COL4A1: variants seen among roughly 807,000 people sequenced by gnomAD.
The protein encoded by COL4A1 is collagen alpha-1(IV) chain.
Under a neutral mutation model 216.6 loss-of-function variants are expected in COL4A1, and 40 were observed. The ratio of observed to expected loss-of-function variants is 0.18; its 90% confidence interval spans 0.14 to 0.24. The LOEUF is 0.24. COL4A1 is among the 10% of genes least tolerant of loss of function. The pLI is 1.00. For missense variants in COL4A1, 1,628 were observed against 2,196.8 expected (o/e 0.74, Z 5.18); for synonymous variants, 839 against 810.7 (o/e 1.03, Z -0.59).
chr13:110,256,071 T>G (rs67188524), intron 1 of COL4A1, among the ~76,000 whole-genome samples: 25,096 of 151,702 alleles, frequency 0.17, 2,198 homozygotes, highest in South Asian at 0.21. Context: ...TCACGCTGTA[T>G]ATCTCATGTT....
intron 2 of COL4A1, among the ~76,000 whole-genome samples, chr13:110,234,778 T>C (rs1881230388): frequency 6.6e-6 from 1 of 152,162 alleles, no homozygotes; most frequent in Non-Finnish European, 1.5e-5. Context: ...CTCTTCCCGT[T>C]TCCATCCCGG....
chr13:110,162,060 A>C (rs945105315), intron 48 of COL4A1, 170 bp downstream of exon 48: 19 of 725,118 alleles, frequency 2.6e-5, no homozygotes, highest in Non-Finnish European at 4.5e-5. Flanking sequence ...ATTTGTAATC[A>C]ATGGAGGGAA....
rs190510837 is a variant in COL4A1, at chr13:110,161,361, C to T, written c.4471G>A (p.Gly1491Ser). Residue 1491 changes from glycine to serine, a missense_variant, in exon 49 of 52, where the codon GGC becomes AGC. By Grantham distance (56) the Gly-to-Ser change is moderately conservative. Coordinates refer to ENST00000375820, the MANE Select transcript of COL4A1 (RefSeq NM_001845.6). Reference sequence around the variant, plus strand: ...GTGCTGAACTTGCGCAGGCAGCTGCCGGCCGTGCCTAGACAAGGAAGAAGA... The same window carrying T: ...GTGCTGAACTTGCGCAGGCAGCTGCTGGCCGTGCCTAGACAAGGAAGAAGA... ...RAHGQDLGTA[G>S]SCLRKFSTMP... is the part of the protein sequence containing the mutation. 5.6e-6 allele frequency: 9 copies of T among 1,612,110 alleles called. No homozygotes were observed. The Admixed American group carries it at 1.0e-4, about 18-fold the overall frequency.
At position 110,207,494 on chromosome 13, in the gene COL4A1, C is replaced by T. The variant is rs762644478; in HGVS notation, c.694-5G>A. ...CCCACTGACCCCTTGGTCACCCTGTCGACATAAAAATGTAAAATTAATTAG... is the reference window on the plus strand; with the variant it reads ...CCCACTGACCCCTTGGTCACCCTGTTGACATAAAAATGTAAAATTAATTAG... On this transcript the variant is annotated splice_polypyrimidine_tract_variant and splice_region_variant and intron_variant, in intron 12 of 51. Transcript: ENST00000375820. This position sits in a 1 kb window ranked among gnomAD's most constrained non-coding sequence, Gnocchi z 4.4. The T allele has an allele frequency of 1.1e-5, 18 of 1,612,908 alleles. No individual in the cohort carries two copies. The highest frequency in any genetic ancestry group is 1.4e-5 in the Non-Finnish European group (16 of 1,179,206).
At chr13:110,299,845 C>A (rs1212621953) in intron 1 of COL4A1, among the ~76,000 whole-genome samples, 1 of 152,180 alleles carries the variant, frequency 6.6e-6, no homozygotes, top group Non-Finnish European at 1.5e-5. Context: ...ATTAAAATGG[C>A]ATTGCATTCT....
chr13:110,193,023 A>G, intron 22 of COL4A1, 110 bp from the exon 23 acceptor site: 1 of 1,026,880 alleles, frequency 9.7e-7, no homozygotes, highest in Non-Finnish European at 1.5e-6. Context: ...TTACATCCAA[A>G]CTTAGGTTTG....
chr13:110,211,495 TG>T lies in COL4A1; in HGVS notation c.468+151del. On this transcript the variant is annotated intron_variant, in intron 8 of 51. Coordinates refer to ENST00000375820, the MANE Select transcript of COL4A1 (RefSeq NM_001845.6). The surrounding 1 kb of genome is among the most constrained non-coding windows in gnomAD (Gnocchi z 4.3). ...CTGAGATCTGAGTTTGTGGGTTACT[TG>T]TACAGTCTTTTCATGTAACAGAGTT... is the stretch of plus-strand genomic sequence containing the variant. 2 of 638,180 alleles carry T rather than the reference TG, an allele frequency of 3.1e-6. No individual in the cohort carries two copies. Among genetic ancestry groups the T allele is most frequent in the South Asian group, 5.4e-5 (2 of 37,306 alleles). 39.5% of individuals were successfully genotyped at this position (638,180 alleles called of 1,614,324 possible). A position where few individuals can be genotyped will look rare whatever the true frequency, so the allele number is the denominator to read the frequency against.
At chr13:110,202,238 TAAAAAA>T (rs564963734) in intron 18 of COL4A1, among the ~76,000 whole-genome samples, 1 of 121,138 alleles carries the variant, frequency 8.3e-6, no homozygotes, top group African/African-American at 3.0e-5. Context: ...GGAACACTCT[TAAAAAA>T]AAAAAAAAAA....
At chr13:110,158,494 A>G (rs1876900043) in intron 49 of COL4A1, among the ~76,000 whole-genome samples, 1 of 152,142 alleles carries the variant, frequency 6.6e-6, no homozygotes, top group Non-Finnish European at 1.5e-5. Context: ...TCCAGGGGTG[A>G]CTCCAAGCAT....
intron 1 of COL4A1, among the ~76,000 whole-genome samples, chr13:110,278,813 T>C (rs979454181): frequency 6.6e-6 from 1 of 152,220 alleles, no homozygotes; most frequent in Non-Finnish European, 1.5e-5. Context: ...CTGCCTAGAC[T>C]GTGGGAATGT....
At chr13:110,228,738 G>T (rs680484) in intron 2 of COL4A1, among the ~76,000 whole-genome samples, 55,822 of 152,130 alleles carry the variant, frequency 0.37, 10,366 homozygotes, top group Non-Finnish European at 0.39. Context: ...CTGGTCAATT[G>T]TCTCTAGAGG....
At chr13:110,277,745 A>G (rs1466712981) in intron 1 of COL4A1, among the ~76,000 whole-genome samples, 1 of 152,216 alleles carries the variant, frequency 6.6e-6, no homozygotes, top group East Asian at 1.9e-4. Context: ...CATCCTTTGC[A>G]GAGCTGACCC....
chr13:110,288,322 C>T (rs867641804), intron 1 of COL4A1, among the ~76,000 whole-genome samples: 2 of 151,654 alleles, frequency 1.3e-5, no homozygotes, highest in African/African-American at 4.8e-5. Context: ...AGCCTTGAAT[C>T]GCTGCTACTA....
intron 21 of COL4A1, among the ~76,000 whole-genome samples, chr13:110,195,810 T>C (rs914420756): frequency 1.3e-5 from 2 of 152,224 alleles, no homozygotes; most frequent in African/African-American, 2.4e-5. Context: ...AGTGAACAAC[T>C]TGGTATCCAG....
intron 2 of COL4A1, among the ~76,000 whole-genome samples, chr13:110,215,224 T>C (rs1880008844): frequency 6.6e-6 from 1 of 152,074 alleles, no homozygotes; most frequent in South Asian, 2.1e-4. Flanking sequence ...TGGGCCATCA[T>C]GGGGTGATGG....
rs142503862 is a variant in COL4A1 at position 110,194,132 on chromosome 13, C to A, written c.1381+891G>T. Among the ~76,000 whole-genome samples, 849 of 152,298 alleles carry A rather than the reference C, an allele frequency of 5.6e-3. 8 individuals carry two copies. Among genetic ancestry groups the A allele is most frequent in the African/African-American group, 0.019 (783 of 41,558 alleles). On this transcript the variant is annotated intron_variant, in intron 22 of 51. Transcript: ENST00000375820. Reference sequence around the variant, plus strand: ...TAGAGCAGACAGACTCATTAAAACCCAAACTGTACACTGACTCAGATCAGT... The same window carrying A: ...TAGAGCAGACAGACTCATTAAAACCAAAACTGTACACTGACTCAGATCAGT...
chr13:110,270,291 A>G (rs1489202339), intron 1 of COL4A1, among the ~76,000 whole-genome samples: 1 of 152,254 alleles, frequency 6.6e-6, no homozygotes, highest in African/African-American at 2.4e-5. Context: ...ATAACAGTGC[A>G]ACCTTCCTCT....
intron 1 of COL4A1, among the ~76,000 whole-genome samples, chr13:110,256,813 C>A (rs755667102): frequency 7.2e-5 from 11 of 152,158 alleles, no homozygotes; most frequent in Non-Finnish European, 1.5e-4. Flanking sequence ...GGGATAGGAT[C>A]TAACCACGCA....
rs531736144 is a variant in COL4A1, at chr13:110,211,779, A to G, written c.441+90T>C. Reference sequence around the variant, plus strand: ...TATAAAATATAAGTTATTAAAACATAAGCAAAGAAAGAAAGAAAAGGAAAT... The same window carrying G: ...TATAAAATATAAGTTATTAAAACATGAGCAAAGAAAGAAAGAAAAGGAAAT... On this transcript the variant is annotated intron_variant, in intron 7 of 51. Coordinates refer to ENST00000375820, the MANE Select transcript of COL4A1 (RefSeq NM_001845.6). This position sits in a 1 kb window ranked among gnomAD's most constrained non-coding sequence, Gnocchi z 4.3. The G allele has an allele frequency of 6.7e-7, 1 of 1,498,972 alleles. No individual in the cohort carries two copies. 92.9% of individuals were successfully genotyped at this position (1,498,972 alleles called of 1,614,324 possible).
Sources: gnomAD v4.1 joint callset for allele counts (sites outside exome capture counted in the v4.1 genomes callset) on GRCh38, gnomAD v4.1.1 for gene constraint, Gnocchi (gnomAD v3.1) non-coding constraint, MANE v1.5 for transcripts, NCBI Gene and HGNC (gene_info 2026-07-23, HGNC 2026-07-21) for gene names.